The following DENND1A variants were observed in gnomAD, a reference collection of about 807,000 sequenced individuals.
The protein encoded by DENND1A is DENN domain-containing protein 1A.
DENND1A carries 51 observed loss-of-function variants against 113.7 expected under a neutral mutation model. The ratio of observed to expected loss-of-function variants is 0.45; its 90% confidence interval spans 0.36 to 0.57. The LOEUF (loss-of-function observed/expected upper bound fraction) is 0.57. Ranked by LOEUF, DENND1A falls within the 20% of genes least tolerant of loss-of-function variation. The pLI is 0.00. For synonymous variants in DENND1A, 565 were observed against 570.8 expected (o/e 0.99, Z 0.14); for missense variants, 1,258 against 1,395.9 (o/e 0.90, Z 1.57).
chr9:123,587,869 C>A (rs2059256578), intron 11 of DENND1A, among the ~76,000 whole-genome samples: 2 of 152,196 alleles, frequency 1.3e-5, no homozygotes, highest in Non-Finnish European at 2.9e-5. Context: ...TCTGAAGATA[C>A]CCCTAATCCG....
intron 1 of DENND1A, among the ~76,000 whole-genome samples, chr9:123,885,007 ACAC>A (rs1564444512): frequency 2.0e-5 from 3 of 147,062 alleles, no homozygotes; most frequent in African/African-American, 7.8e-5. Context: ...GCACACACAC[ACAC>A]ACACACACAC....
At chr9:123,914,016 A>G (rs1854591556) in intron 1 of DENND1A, among the ~76,000 whole-genome samples, 1 of 151,900 alleles carries the variant, frequency 6.6e-6, no homozygotes, top group Admixed American at 6.6e-5. Flanking sequence ...TATACCACAC[A>G]TAACCAGTTC....
chr9:123,398,341 C>T (rs1385945206), intron 21 of DENND1A, among the ~76,000 whole-genome samples: 1 of 152,174 alleles, frequency 6.6e-6, no homozygotes, highest in Non-Finnish European at 1.5e-5. Context: ...GACCACAGTG[C>T]TGCCTTTCAG....
chr9:123,489,087 C>T (rs1032365083), intron 13 of DENND1A, among the ~76,000 whole-genome samples: 1 of 152,182 alleles, frequency 6.6e-6, no homozygotes, highest in African/African-American at 2.4e-5. Flanking sequence ...CACACACACA[C>T]ACACATCCAC....
At chr9:123,540,485 C>T (rs1209407826) in intron 13 of DENND1A, among the ~76,000 whole-genome samples, 2 of 152,052 alleles carry the variant, frequency 1.3e-5, no homozygotes, top group Admixed American at 1.3e-4. Flanking sequence ...TTGGTGAGTC[C>T]TAAAGATCAG....
chr9:123,768,395 T>C lies in DENND1A; in HGVS notation c.182+1119A>G, dbSNP rs182293364. 1.7e-4 allele frequency among the ~76,000 whole-genome samples: 26 copies of C among 152,270 alleles called. No homozygotes were observed. The East Asian group carries it at 4.2e-3, about 25-fold the overall frequency. On this transcript the variant is annotated intron_variant, in intron 4 of 23. Transcript: ENST00000394215. ...ATAAACCACGACAGTGGTATTACAATGTGTAGAAAAGATGCAAACAGCATA... is the reference window on the plus strand; with the variant it reads ...ATAAACCACGACAGTGGTATTACAACGTGTAGAAAAGATGCAAACAGCATA...
At chr9:123,867,925 C>T (rs1316179186) in intron 2 of DENND1A, among the ~76,000 whole-genome samples, 2 of 152,322 alleles carry the variant, frequency 1.3e-5, no homozygotes, top group East Asian at 3.9e-4. Context: ...TCATAACCAT[C>T]TTTGCCACTT....
chr9:123,436,756 T>C (rs2046551347), intron 19 of DENND1A, among the ~76,000 whole-genome samples: 1 of 152,136 alleles, frequency 6.6e-6, no homozygotes, highest in Admixed American at 6.5e-5. Flanking sequence ...AATATCTTTT[T>C]TTTTTTTTTG....
intron 1 of DENND1A, among the ~76,000 whole-genome samples, chr9:123,896,333 A>C (rs996719664): frequency 2.6e-5 from 4 of 151,196 alleles, no homozygotes; most frequent in Non-Finnish European, 5.9e-5. Flanking sequence ...AAACAAACAA[A>C]AAAAAAAAAC....
chr9:123,653,413 G>A (rs1261908119), intron 8 of DENND1A, among the ~76,000 whole-genome samples: 1 of 152,158 alleles, frequency 6.6e-6, no homozygotes. Flanking sequence ...AACTGGCAAA[G>A]TCAGATCTGA....
Position 123,916,383 on chromosome 9 carries a change from T to C in DENND1A, c.17+13506A>G, listed in dbSNP as rs372978363. On this transcript the variant is annotated intron_variant, in intron 1 of 23. Coordinates refer to ENST00000394215, the MANE Select transcript of DENND1A (RefSeq NM_001352964.2). ...ATCTACGTATTTGCTTTTTTTTTTT[T>C]TTTTTTGAGACAGAGTTTTGCTCTT... is the stretch of plus-strand genomic sequence containing the variant. 1.7e-4 allele frequency among the ~76,000 whole-genome samples: 26 copies of C among 151,390 alleles called. No individual in the cohort carries two copies. The East Asian group carries it at 2.7e-3, about 16-fold the overall frequency.
chr9:123,858,058 C>CA (rs1230079039), intron 2 of DENND1A, among the ~76,000 whole-genome samples: 1,140 of 49,952 alleles, frequency 0.023, 14 homozygotes, highest in East Asian at 0.051. Flanking sequence ...GACTCCGTCT[C>CA]AAAAAAAAAA....
At chr9:123,785,743 T>A (rs970392436) in intron 3 of DENND1A, among the ~76,000 whole-genome samples, 1 of 148,834 alleles carries the variant, frequency 6.7e-6, no homozygotes, top group African/African-American at 2.6e-5. Flanking sequence ...GTGGCTATCA[T>A]GCTAACAATC....
chr9:123,811,530 C>T lies in DENND1A; in HGVS notation c.89-18900G>A, dbSNP rs182224326. Among the ~76,000 whole-genome samples the T allele has an allele frequency of 6.2e-3, 946 of 152,260 alleles. 8 individuals are homozygous for T. The highest frequency in any genetic ancestry group is 0.015 in the Admixed American group (233 of 15,290). On this transcript the variant is annotated intron_variant, in intron 2 of 23. Coordinates refer to ENST00000394215, the MANE Select transcript of DENND1A (RefSeq NM_001352964.2). ...ATCCCAGCACTTTGGGAGGCTGAGG[C>T]GGGCAGATCACAAGGTCAGGAGATC...
At chr9:123,617,200 C>T (rs936928064) in intron 10 of DENND1A, among the ~76,000 whole-genome samples, 2 of 152,156 alleles carry the variant, frequency 1.3e-5, no homozygotes, top group East Asian at 1.9e-4. Context: ...CAGCCCTCTC[C>T]GATTTATGAG....
intron 5 of DENND1A, among the ~76,000 whole-genome samples, chr9:123,702,778 A>G (rs1358175468): frequency 1.3e-5 from 2 of 152,246 alleles, no homozygotes; most frequent in African/African-American, 4.8e-5. Context: ...GGAGTTCACT[A>G]TCACCAGACC....
chr9:123,449,429 G>T (rs2047541844), intron 18 of DENND1A, among the ~76,000 whole-genome samples: 1 of 152,026 alleles, frequency 6.6e-6, no homozygotes, highest in African/African-American at 2.4e-5. Flanking sequence ...CAGCTACTTG[G>T]GAGGCTGAGG....
chr9:123,645,554 G>A lies in DENND1A; in HGVS notation c.618+6459C>T, dbSNP rs569046938. 3.3e-5 allele frequency among the ~76,000 whole-genome samples: 5 copies of A among 152,262 alleles called. No individual in the cohort carries two copies. The South Asian group carries it at 6.2e-4, about 19-fold the overall frequency. ...ATACAACAGAAGTCTGCTCAGCTAC[G>A]TCATCCCCAAACTCCGCAGAACCTC... is the stretch of plus-strand genomic sequence containing the variant. On this transcript the variant is annotated intron_variant, in intron 9 of 23. Coordinates refer to ENST00000394215, the MANE Select transcript of DENND1A (RefSeq NM_001352964.2).
chr9:123,802,643 G>A (rs1209176284), intron 2 of DENND1A, among the ~76,000 whole-genome samples: 1 of 151,118 alleles, frequency 6.6e-6, no homozygotes, highest in East Asian at 1.9e-4. Context: ...TTCAACCCCT[G>A]TAGCACTCTT....
Sources: gnomAD v4.1 joint callset for allele counts (sites outside exome capture counted in the v4.1 genomes callset) on GRCh38, gnomAD v4.1.1 for gene constraint, MANE v1.5 for transcripts, NCBI Gene and HGNC (gene_info 2026-07-23, HGNC 2026-07-21) for gene names.